OVCH2: variants seen among roughly 807,000 people sequenced by gnomAD.
OVCH2 encodes the protein ovochymase 2.
Under a neutral mutation model 73.7 loss-of-function variants are expected in OVCH2, and 88 were observed. That is an observed-to-expected ratio of 1.19 (90% CI 1.01 to 1.43). OVCH2 has a LOEUF of 1.43. Ranked by LOEUF, OVCH2 falls within the 40% of genes most tolerant of loss-of-function variation. The probability of loss-of-function intolerance (pLI) is 0.00; values close to 1 mark genes in which losing one functional copy is unlikely to be tolerated. For synonymous variants in OVCH2, 265 were observed against 234.5 expected, an observed-to-expected ratio of 1.13 and a Z score of -1.19; for missense variants, 706 against 674.5, an observed-to-expected ratio of 1.05 and a Z score of -0.52.
chr11:7,702,374 T>A lies in OVCH2; in HGVS notation c.291-45A>T, dbSNP rs1002065710. 3.5e-6 allele frequency: 5 copies of A among 1,445,678 alleles called. No individual in the cohort carries two copies. In the Admixed American group the frequency reaches 1.3e-4, roughly 36 times the overall value. The allele number at this position is 1,445,678 out of a possible 1,614,324, so 89.6% of individuals were successfully genotyped here. On this transcript the variant is annotated intron_variant, in intron 3 of 15. Transcript: ENST00000533663. ...AAATGAATGAATTTCATTGTGCCTC[T>A]GAGTACAGTTGCAATGGTTGACACA...
Position 7,700,305 on chromosome 11 carries a change from T to C in OVCH2, c.892A>G (p.Ile298Val), listed in dbSNP as rs771783434. 1.7e-5 allele frequency: 28 copies of C among 1,613,614 alleles called. No individual in the cohort carries two copies. Among genetic ancestry groups the C allele is most frequent in the Non-Finnish European group, 2.3e-5 (27 of 1,179,762 alleles). ...SKVLPWIHEH[I>V]QTGNRRKSSR... ...GTGATGGCTTAGTTACCAGTTTGGATGTGTTCGTGGATCCAGGGAAGCACT... is the reference window on the plus strand; with the variant it reads ...GTGATGGCTTAGTTACCAGTTTGGACGTGTTCGTGGATCCAGGGAAGCACT... The change falls in exon 7 of 16, where the codon ATC becomes GTC. Residue 298 changes from isoleucine (I) to valine (V), a missense_variant. By Grantham distance (29) the Ile-to-Val change is conservative. Coordinates refer to ENST00000533663, the MANE Select transcript of OVCH2 (RefSeq NM_198185.7).
Position 7,695,099 on chromosome 11 carries a change from A to G in OVCH2, c.1372T>C (p.Cys458Arg). 6.4e-7 allele frequency: 1 copy of G among 1,551,372 alleles called. No homozygotes were observed. The change falls in exon 12 of 16, where the codon TGT becomes CGT. Residue 458 changes from cysteine to arginine, a missense_variant. Transcript: ENST00000533663. ...YPENYSDKANCDWIFQASKHH... is the reference protein window; with the variant it reads ...YPENYSDKANRDWIFQASKHH... ...TTGGAGGCTTGAAAAATCCAGTCAC[A>G]GTTAGCCTTGTCACTGTAGTTTTCA...
intron 7 of OVCH2, chr11:7,700,088 T>C: frequency 1.8e-6 from 1 of 552,298 alleles, no homozygotes. Context: ...GGATTCATTT[T>C]TCATTGAATA....
At chr11:7,684,591 T>C (rs879384044), downstream of OVCH2, among the ~76,000 whole-genome samples, 5 of 151,860 alleles carry the variant, frequency 3.3e-5, no homozygotes, top group African/African-American at 4.8e-5. Context: ...AGAGCACATT[T>C]TTTTCGTTTT....
rs559070276 is a variant in OVCH2 at position 7,693,359 on chromosome 11, A to G, written c.1414-1364T>C. 3.3e-5 allele frequency among the ~76,000 whole-genome samples: 5 copies of G among 152,108 alleles called. No individual in the cohort carries two copies. The South Asian group carries it at 1.0e-3, about 32-fold the overall frequency. Reference sequence around the variant, plus strand: ...ACCCTTACTGGGATACTTTCTGGGAAGGGGCCCTTTTCTCTCCAAGTCAAA... The same window carrying G: ...ACCCTTACTGGGATACTTTCTGGGAGGGGGCCCTTTTCTCTCCAAGTCAAA... On this transcript the variant is annotated intron_variant, in intron 12 of 15. Coordinates refer to ENST00000533663, the MANE Select transcript of OVCH2 (RefSeq NM_198185.7).
At chr11:7,681,868 A>AG in the OVCH2 span, among the ~76,000 whole-genome samples, 34 of 151,734 alleles carry the variant, frequency 2.2e-4, no homozygotes, top group African/African-American at 4.1e-4. Context: ...AAAAAAAAAA[A>AG]AAAAGAAAAA....
Position 7,701,485 on chromosome 11 carries a change from A to G in OVCH2, c.560-10T>C. The G allele has an allele frequency of 6.2e-7, 1 of 1,607,744 alleles. No individual in the cohort carries two copies. Among genetic ancestry groups the G allele is most frequent in the Non-Finnish European group, 8.5e-7 (1 of 1,177,516 alleles). On this transcript the variant is annotated splice_polypyrimidine_tract_variant and intron_variant, in intron 5 of 15. Transcript: ENST00000533663. ...TGTGAGAGGACGCCACCTGAAAAAC[A>G]GAGAGATGGAAGCCCCAGCAGGAAC...
chr11:7,693,051 G>A (rs143747024), intron 12 of OVCH2, among the ~76,000 whole-genome samples: 194 of 152,342 alleles, frequency 1.3e-3, no homozygotes, highest in Non-Finnish European at 2.1e-3. Flanking sequence ...GGAACAGTGT[G>A]AAGGAGAAAC....
At chr11:7,694,757 G>A (rs1005250671) in intron 12 of OVCH2, among the ~76,000 whole-genome samples, 1 of 147,762 alleles carries the variant, frequency 6.8e-6, no homozygotes, top group African/African-American at 2.5e-5. Context: ...GATTACAGGC[G>A]CCCGCCACCG....
At chr11:7,681,441 A>G in the OVCH2 span, among the ~76,000 whole-genome samples, 3 of 152,184 alleles carry the variant, frequency 2.0e-5, no homozygotes, top group Non-Finnish European at 1.5e-5. Flanking sequence ...TGGGCATGAT[A>G]GACTGTATAA....
intron 15 of OVCH2, 78 bp downstream of exon 15, chr11:7,689,846 A>C (rs1228008437): frequency 1.1e-6 from 1 of 877,294 alleles, no homozygotes; most frequent in Non-Finnish European, 1.8e-6. Flanking sequence ...AGATGGAATT[A>C]AATCCATATC....
chr11:7,701,515 T>C, intron 5 of OVCH2, 40 bp from the exon 6 acceptor site: 1 of 1,591,952 alleles, frequency 6.3e-7, no homozygotes, highest in East Asian at 2.3e-5. Flanking sequence ...AGGAACTCTT[T>C]CACCCTTTCT....
intron 12 of OVCH2, among the ~76,000 whole-genome samples, chr11:7,694,130 T>C (rs896987432): frequency 1.3e-5 from 2 of 152,160 alleles, no homozygotes; most frequent in Admixed American, 1.3e-4. Flanking sequence ...TGCTCTCTTT[T>C]CTCTCCATCG....
chr11:7,695,736 T>C, intron 10 of OVCH2, 26 bp from the exon 11 acceptor site: 1 of 1,579,538 alleles, frequency 6.3e-7, no homozygotes, highest in Non-Finnish European at 8.6e-7. Flanking sequence ...AAAGGATTCT[T>C]TGTTCAGAAT....
At chr11:7,694,758 C>A (rs535515105) in intron 12 of OVCH2, among the ~76,000 whole-genome samples, 3 of 151,518 alleles carry the variant, frequency 2.0e-5, no homozygotes, top group Non-Finnish European at 4.4e-5. Flanking sequence ...ATTACAGGCG[C>A]CCGCCACCGC....
intron 14 of OVCH2, among the ~76,000 whole-genome samples, chr11:7,690,655 A>G (rs1158634410): frequency 2.6e-5 from 4 of 152,148 alleles, no homozygotes; most frequent in African/African-American, 9.7e-5. Flanking sequence ...GAAGAGTGAC[A>G]AAAAATACAT....
intron 7 of OVCH2, 158 bp from the exon 8 acceptor site, chr11:7,698,931 G>T: frequency 1.5e-6 from 1 of 658,306 alleles, no homozygotes; most frequent in South Asian, 2.0e-5. Context: ...AATGGATAAA[G>T]TAGGAAAGGG....
chr11:7,689,202 T>A (rs1175325515), downstream of OVCH2, among the ~76,000 whole-genome samples: 2 of 152,230 alleles, frequency 1.3e-5, no homozygotes, highest in Non-Finnish European at 2.9e-5. Context: ...TGAACCTGAC[T>A]TGATTAGTTT....
chr11:7,693,439 C>T (rs746983832), intron 12 of OVCH2, among the ~76,000 whole-genome samples: 3 of 152,182 alleles, frequency 2.0e-5, no homozygotes, highest in Non-Finnish European at 2.9e-5. Flanking sequence ...CTATCTTACA[C>T]GAGTTCTGCA....
Sources: allele counts gnomAD v4.1 joint callset (sites outside exome capture counted in the v4.1 genomes callset), GRCh38; gene constraint gnomAD v4.1.1; transcripts MANE v1.5; gene names NCBI Gene and HGNC (gene_info 2026-07-23, HGNC 2026-07-21).